Variants in LYPD1 observed in about 807,000 individuals in gnomAD.
The protein encoded by LYPD1 is ly6/PLAUR domain-containing protein 1.
A neutral mutation model predicts 14.2 loss-of-function variants in LYPD1; 14 were observed. The observed-to-expected ratio is 0.99, with a 90% CI of 0.65 to 1.54. The LOEUF is 1.54. Among genes scored for constraint, LYPD1 ranks in the 40% most tolerant of loss-of-function variants. The pLI is 0.00. For synonymous variants in LYPD1, 85 were observed against 70.6 expected, an observed-to-expected ratio of 1.20 and a Z score of -1.02; for missense variants, 165 against 175.7, an observed-to-expected ratio of 0.94 and a Z score of 0.34.
chr2:132,670,121 G>C lies in LYPD1; in HGVS notation c.-189C>G. The C allele has an allele frequency of 7.1e-7, 1 of 1,407,506 alleles. No homozygotes were observed. The highest frequency in any genetic ancestry group is 9.2e-7 in the Non-Finnish European group (1 of 1,092,218). The allele number at this position is 1,407,506 out of a possible 1,614,324, so 87.2% of individuals were successfully genotyped here. A position where few individuals can be genotyped will look rare whatever the true frequency, so the allele number is the denominator to read the frequency against. ...CGGAGCCTGCATCGCCCGCGCTCGG[G>C]CTCCCGGCTGCGGGTCTCTGCTCCT... is the stretch of plus-strand genomic sequence containing the variant. On this transcript the variant is annotated 5_prime_UTR_variant, in exon 1 of 3. Coordinates refer to ENST00000397463, the MANE Select transcript of LYPD1 (RefSeq NM_144586.7). The surrounding 1 kb of genome is among the most constrained non-coding windows in gnomAD (Gnocchi z 4.5).
chr2:132,659,281 A>ATAGT (rs541758186), intron 2 of LYPD1, among the ~76,000 whole-genome samples: 376 of 152,242 alleles, frequency 2.5e-3, no homozygotes, highest in Admixed American at 8.2e-3. Context: ...CAGTCAGCAA[A>ATAGT]TAGTTATTGC....
At chr2:132,654,305 G>A (rs1343447195) in intron 2 of LYPD1, among the ~76,000 whole-genome samples, 1 of 151,968 alleles carries the variant, frequency 6.6e-6, no homozygotes, top group Admixed American at 6.6e-5. Context: ...GGAGGCTTAG[G>A]TGGGATGATC....
At chr2:132,652,901 G>C (rs1682411510) in intron 2 of LYPD1, among the ~76,000 whole-genome samples, 1 of 152,198 alleles carries the variant, frequency 6.6e-6, no homozygotes, top group African/African-American at 2.4e-5. Context: ...GGATGTGAAT[G>C]ATGGGCATGC....
rs769228847 is a variant in LYPD1, at chr2:132,669,898, C to T, written c.35G>A (p.Gly12Glu). ...WVLGIAATFC[G>E]LFLLPGFALQ... ...ATTCTCACCTGGAAGCAAGAACAATCCGCAAAAAGTTGCCGCGATGCCTAG... is the reference window on the plus strand; with the variant it reads ...ATTCTCACCTGGAAGCAAGAACAATTCGCAAAAAGTTGCCGCGATGCCTAG... Residue 12 changes from glycine to glutamate, a missense_variant, in exon 1 of 3, where the codon GGA (glycine) becomes GAA (glutamate). Transcript: ENST00000397463. The surrounding 1 kb of genome is among the most constrained non-coding windows in gnomAD (Gnocchi z 4.3). The T allele has an allele frequency of 3.1e-6, 5 of 1,613,086 alleles. No homozygotes were observed. In the East Asian group the frequency reaches 1.1e-4, roughly 36 times the overall value.
intron 2 of LYPD1, among the ~76,000 whole-genome samples, chr2:132,650,252 C>G (rs1428178984): frequency 6.6e-6 from 1 of 152,162 alleles, no homozygotes; most frequent in African/African-American, 2.4e-5. Context: ...CAAATTAAAA[C>G]TACACTGAGA....
At position 132,645,179 on chromosome 2, in the gene LYPD1, A is replaced by G. The variant is rs1309141278; in HGVS notation, c.*866T>C. ...ATCATGGCTGCGGCCAAACCCAAGC[A>G]CGACTGGACGAGGTCCTACTTCCGG... On this transcript the variant is annotated 3_prime_UTR_variant, in exon 3 of 3. Coordinates refer to ENST00000397463, the MANE Select transcript of LYPD1 (RefSeq NM_144586.7). 6.2e-7 allele frequency: 1 copy of G among 1,614,076 alleles called. No individual in the cohort carries two copies. Among genetic ancestry groups the G allele is most frequent in the South Asian group, 1.1e-5 (1 of 91,070 alleles).
intron 2 of LYPD1, among the ~76,000 whole-genome samples, chr2:132,655,315 C>G (rs1682523068): frequency 6.6e-6 from 1 of 152,076 alleles, no homozygotes; most frequent in African/African-American, 2.4e-5. Context: ...CTTAGACTTT[C>G]TCAGTAGCAA....
At position 132,645,986 on chromosome 2, in the gene LYPD1, G is replaced by A. The variant is rs1682049369; in HGVS notation, c.*59C>T. ...CAGAAGAAACTCACTCAGGGAGGTG[G>A]GGGGTTGGGGGCGAGGGCTGGAAGA... On this transcript the variant is annotated 3_prime_UTR_variant, in exon 3 of 3. Coordinates refer to ENST00000397463, the MANE Select transcript of LYPD1 (RefSeq NM_144586.7). 1 of 1,307,910 alleles carries A rather than the reference G, an allele frequency of 7.6e-7. No homozygotes were observed. Among genetic ancestry groups the A allele is most frequent in the Non-Finnish European group, 1.0e-6 (1 of 958,674 alleles). The allele number at this position is 1,307,910 out of a possible 1,614,324, so 81.0% of individuals were successfully genotyped here.
At chr2:132,652,950 A>T (rs951906678) in intron 2 of LYPD1, among the ~76,000 whole-genome samples, 1 of 152,212 alleles carries the variant, frequency 6.6e-6, no homozygotes, top group African/African-American at 2.4e-5. Flanking sequence ...TACTGAGGTT[A>T]CTTCCCAGGC....
At chr2:132,646,416 C>T (rs1421520899) in intron 2 of LYPD1, 136 bp from the exon 3 acceptor site, 5 of 458,862 alleles carry the variant, frequency 1.1e-5, no homozygotes, top group African/African-American at 2.0e-5. Context: ...CAGGGAAGTG[C>T]TTCGGATTGT....
intron 2 of LYPD1, among the ~76,000 whole-genome samples, chr2:132,666,411 C>T (rs749978734): frequency 1.3e-5 from 2 of 152,140 alleles, no homozygotes; most frequent in African/African-American, 2.4e-5. Context: ...ACCTAGCATC[C>T]TTCCCTTCAA....
Position 132,644,573 on chromosome 2 carries a change from T to C in LYPD1, c.*1472A>G, listed in dbSNP as rs1475754401. Among the ~76,000 whole-genome samples the C allele has an allele frequency of 6.6e-6, 1 of 152,218 alleles. No individual in the cohort carries two copies. Among genetic ancestry groups the C allele is most frequent in the South Asian group, 2.1e-4 (1 of 4,836 alleles). On this transcript the variant is annotated 3_prime_UTR_variant, in exon 3 of 3. Transcript: ENST00000397463. ...TTCCTGACTTTGCTTCCCCTGAAAC[T>C]GAATGCAAAACCAGTGTCATTAAAT...
rs1363744928 is a variant in LYPD1 at position 132,645,393 on chromosome 2, C to A, written c.*652G>T. On this transcript the variant is annotated 3_prime_UTR_variant, in exon 3 of 3. Transcript: ENST00000397463. ...GCGTACATGCGCACTCCACCACCGA[C>A]AGCGCCCGCTTTGTGCAGCGCCCGT... 16 of 1,613,608 alleles carry A rather than the reference C, an allele frequency of 9.9e-6. No individual in the cohort carries two copies. The African/African-American group carries it at 1.3e-4, about 13-fold the overall frequency.
intron 2 of LYPD1, among the ~76,000 whole-genome samples, chr2:132,659,270 G>T (rs1055442714): frequency 6.6e-6 from 1 of 151,986 alleles, no homozygotes; most frequent in Non-Finnish European, 1.5e-5. Context: ...TTCAATATAC[G>T]CAGTCAGCAA....
In LYPD1 at chr2:132,644,260, T is replaced by TAAAC. The variant is rs1440268163; in HGVS notation, c.*1781_*1784dup. The stretch of plus-strand genomic sequence containing the variant: ...GGCATGCAAACAAATGTACATGCAG[T>TAAAC]AAACATTTGATCTACAGAAGGGCCT... On this transcript the variant is annotated 3_prime_UTR_variant, in exon 3 of 3. Coordinates refer to ENST00000397463, the MANE Select transcript of LYPD1 (RefSeq NM_144586.7). Among the ~76,000 whole-genome samples the TAAAC allele has an allele frequency of 6.6e-6, 1 of 152,234 alleles. No homozygotes were observed. Among genetic ancestry groups the TAAAC allele is most frequent in the Non-Finnish European group, 1.5e-5 (1 of 68,042 alleles).
At chr2:132,656,631 C>T (rs2709524) in intron 2 of LYPD1, among the ~76,000 whole-genome samples, 100,471 of 152,104 alleles carry the variant, frequency 0.66, 34,446 homozygotes, top group African/African-American at 0.85. Flanking sequence ...GCCTCATTGC[C>T]GCCACGATGG....
intron 2 of LYPD1, among the ~76,000 whole-genome samples, chr2:132,648,484 G>GTTAAC (rs1484251843): frequency 6.9e-5 from 2 of 28,804 alleles, no homozygotes; most frequent in African/African-American, 6.9e-4. Context: ...GCACACAGTT[G>GTTAAC]TATCACATCC....
Position 132,668,524 on chromosome 2 carries a change from T to C in LYPD1, c.66A>G (p.Gln22=). 2 of 1,612,098 alleles carry C rather than the reference T, an allele frequency of 1.2e-6. No individual in the cohort carries two copies. Among genetic ancestry groups the C allele is most frequent in the Non-Finnish European group, 1.7e-6 (2 of 1,179,246 alleles). ...ATTCTTCACACTGGTAGCACTGGAT[T>C]TGCAGCGCAAAGCCTGCGAGACAGA... The part of the protein sequence containing the change: ...GLFLLPGFAL[Q]IQCYQCEEFQ... Residue 22 remains glutamine, a synonymous_variant, in exon 2 of 3, where the codon CAA becomes CAG. Transcript: ENST00000397463.
intron 2 of LYPD1, among the ~76,000 whole-genome samples, chr2:132,662,472 T>TA (rs371885238): frequency 6.6e-6 from 1 of 151,264 alleles, no homozygotes; most frequent in African/African-American, 2.4e-5. Flanking sequence ...ATTGGACAAG[T>TA]AAAAAATAGG....
Sources: allele counts gnomAD v4.1 joint callset (sites outside exome capture counted in the v4.1 genomes callset), GRCh38; gene constraint gnomAD v4.1.1; non-coding constraint Gnocchi (gnomAD v3.1); transcripts MANE v1.5; gene names NCBI Gene and HGNC (gene_info 2026-07-23, HGNC 2026-07-21).